The following ZBTB20 variants were observed in gnomAD, a reference collection of about 807,000 sequenced individuals.
The protein encoded by ZBTB20 is zinc finger and BTB domain containing 20, also known as zinc finger and BTB domain-containing protein 20.
Under a neutral mutation model 56.9 loss-of-function variants are expected in ZBTB20, and 9 were observed. That is an observed-to-expected ratio of 0.16 (90% CI 0.10 to 0.28). ZBTB20 has a LOEUF of 0.28. Among genes scored for constraint, ZBTB20 ranks in the 10% least tolerant of loss-of-function variants. The pLI is 1.00. For missense variants in ZBTB20, 655 were observed against 1,003.0 expected (o/e 0.65, Z 4.69); for synonymous variants, 417 against 420.7 (o/e 0.99, Z 0.11).
intron 2 of ZBTB20, among the ~76,000 whole-genome samples, chr3:115,040,377 A>G (rs969662937): frequency 9.2e-5 from 14 of 152,168 alleles, no homozygotes; most frequent in African/African-American, 3.4e-4. Context: ...CTCTGGGAGC[A>G]CACTGGAATG....
chr3:114,522,177 C>T lies in ZBTB20; in HGVS notation c.-294-21786G>A, dbSNP rs112141186. ...GGGGTGGAAAGCTAAATGTTAAATA[C>T]AGTGGTTATGAAAGGCCTTACTTAG... On this transcript the variant is annotated intron_variant, in intron 6 of 11. Transcript: ENST00000675478. 5.8e-3 allele frequency among the ~76,000 whole-genome samples: 879 copies of T among 152,166 alleles called. 3 individuals carry two copies. The highest frequency in any genetic ancestry group is 0.02 in the African/African-American group (817 of 41,510).
chr3:114,690,382 T>C (rs1484600705), intron 6 of ZBTB20, among the ~76,000 whole-genome samples: 1 of 152,196 alleles, frequency 6.6e-6, no homozygotes, highest in East Asian at 1.9e-4. Flanking sequence ...CCTGAATTTC[T>C]GATGCGTGTA....
At chr3:114,718,866 A>G (rs972029588) in intron 5 of ZBTB20, among the ~76,000 whole-genome samples, 2 of 152,048 alleles carry the variant, frequency 1.3e-5, no homozygotes, top group Admixed American at 6.6e-5. Context: ...TCATGAGAAC[A>G]TAGTAGCAAA....
chr3:114,859,019 T>C (rs938704590), intron 4 of ZBTB20, among the ~76,000 whole-genome samples: 3 of 152,120 alleles, frequency 2.0e-5, no homozygotes, highest in South Asian at 2.1e-4. Context: ...AAAACAGAAA[T>C]TGCATTTAGT....
rs561761536 is a variant in ZBTB20 at position 114,728,884 on chromosome 3, C to T, written c.-342-35309G>A. Among the ~76,000 whole-genome samples, 40 of 152,162 alleles carry T rather than the reference C, an allele frequency of 2.6e-4. 1 individual carries two copies. The South Asian group carries it at 8.3e-3, about 32-fold the overall frequency. ...GGTTTGTTGGCTGCATGTATGTCTT[C>T]TTTTGAGAAGTGTCTTTTCATGTCC... On this transcript the variant is annotated intron_variant, in intron 5 of 11. Transcript: ENST00000675478.
At chr3:114,837,934 T>A (rs2108985292) in intron 4 of ZBTB20, among the ~76,000 whole-genome samples, 1 of 152,280 alleles carries the variant, frequency 6.6e-6, no homozygotes, top group East Asian at 1.9e-4. Flanking sequence ...CTCTCATGAA[T>A]TAGTTCCATT....
At chr3:114,466,773 A>T (rs192991526) in intron 7 of ZBTB20, among the ~76,000 whole-genome samples, 1 of 152,336 alleles carries the variant, frequency 6.6e-6, no homozygotes, top group East Asian at 1.9e-4. Context: ...CTCTGCTAGG[A>T]CCTAAGCTCT....
At chr3:114,721,896 T>C (rs903552174) in intron 5 of ZBTB20, among the ~76,000 whole-genome samples, 9 of 152,200 alleles carry the variant, frequency 5.9e-5, no homozygotes, top group African/African-American at 2.2e-4. Flanking sequence ...CATTGTACAT[T>C]TGTTCCTAAT....
intron 2 of ZBTB20, among the ~76,000 whole-genome samples, chr3:114,995,039 T>C (rs1576516345): frequency 6.6e-6 from 1 of 152,002 alleles, no homozygotes; most frequent in East Asian, 1.9e-4. Context: ...TAAACAAAAC[T>C]GCACCGAATG....
intron 7 of ZBTB20, among the ~76,000 whole-genome samples, chr3:114,458,511 A>AT (rs1242974440): frequency 6.6e-6 from 1 of 152,026 alleles, no homozygotes; most frequent in Non-Finnish European, 1.5e-5. Flanking sequence ...TTCCAATCAC[A>AT]TTTTTTTCTC....
chr3:114,702,436 A>G (rs1366390369), intron 5 of ZBTB20, among the ~76,000 whole-genome samples: 1 of 152,004 alleles, frequency 6.6e-6, no homozygotes, highest in East Asian at 1.9e-4. Flanking sequence ...GTCTATGTGC[A>G]TATAAACCTA....
intron 7 of ZBTB20, among the ~76,000 whole-genome samples, chr3:114,467,126 A>G (rs1370555109): frequency 1.3e-5 from 2 of 152,220 alleles, no homozygotes; most frequent in African/African-American, 2.4e-5. Flanking sequence ...ACTAGCTTCT[A>G]GACTACTCAA....
intron 6 of ZBTB20, among the ~76,000 whole-genome samples, chr3:114,681,231 C>T (rs1180144384): frequency 6.7e-6 from 1 of 149,316 alleles, no homozygotes; most frequent in Non-Finnish European, 1.5e-5. Context: ...GCGATCTTGG[C>T]TCACTGCAAC....
At chr3:115,020,473 G>C (rs978721511) in intron 2 of ZBTB20, among the ~76,000 whole-genome samples, 3 of 151,126 alleles carry the variant, frequency 2.0e-5, no homozygotes, top group African/African-American at 7.3e-5. Context: ...GTCTAGACAG[G>C]TTTAGATAAA....
chr3:114,695,263 A>G (rs1275278541), intron 5 of ZBTB20, among the ~76,000 whole-genome samples: 1 of 152,048 alleles, frequency 6.6e-6, no homozygotes, highest in Non-Finnish European at 1.5e-5. Flanking sequence ...TTGCATGTCC[A>G]AGTAACAGAA....
chr3:114,944,417 T>C (rs1452897438), intron 3 of ZBTB20, among the ~76,000 whole-genome samples: 1 of 145,320 alleles, frequency 6.9e-6, no homozygotes, highest in Non-Finnish European at 1.5e-5. Flanking sequence ...TGAAAAACAA[T>C]ATGAAGATTC....
chr3:114,718,762 C>A (rs1053354355), intron 5 of ZBTB20, among the ~76,000 whole-genome samples: 1 of 152,056 alleles, frequency 6.6e-6, no homozygotes, highest in African/African-American at 2.4e-5. Flanking sequence ...CTCTGGCTCC[C>A]TTTTCCGCTT....
intron 5 of ZBTB20, among the ~76,000 whole-genome samples, chr3:114,763,431 T>C (rs2068571045): frequency 6.6e-6 from 1 of 152,180 alleles, no homozygotes; most frequent in East Asian, 1.9e-4. Context: ...TTATCTATGA[T>C]ACCTCAATGA....
intron 3 of ZBTB20, among the ~76,000 whole-genome samples, chr3:114,912,882 T>G (rs1198952583): frequency 6.6e-6 from 1 of 151,950 alleles, no homozygotes; most frequent in Non-Finnish European, 1.5e-5. Context: ...TTTCTGTGCC[T>G]CACTGACACA....
Sources: gnomAD v4.1 joint callset for allele counts (sites outside exome capture counted in the v4.1 genomes callset) on GRCh38, gnomAD v4.1.1 for gene constraint, MANE v1.5 for transcripts, NCBI Gene and HGNC (gene_info 2026-07-23, HGNC 2026-07-21) for gene names.